PANK1: variants seen among roughly 807,000 people sequenced by gnomAD.
PANK1 encodes the protein pantothenate kinase 1.
Under a neutral mutation model 40.1 loss-of-function variants are expected in PANK1, and 18 were observed. The ratio of observed to expected loss-of-function variants is 0.45; its 90% CI spans 0.31 to 0.67. The LOEUF is 0.67. Ranked by LOEUF, PANK1 falls within the 30% of genes least tolerant of loss-of-function variation. The pLI is 0.06. For missense variants in PANK1, 457 were observed against 599.6 expected, an observed-to-expected ratio of 0.76 and a Z score of 2.48; for synonymous variants, 242 against 237.7, an observed-to-expected ratio of 1.02 and a Z score of -0.17.
chr10:89,637,354 G>A (rs573669977), intron 1 of PANK1, among the ~76,000 whole-genome samples: 1 of 152,294 alleles, frequency 6.6e-6, no homozygotes, highest in African/African-American at 2.4e-5. Flanking sequence ...AGGCAATTCT[G>A]TCATTGTGCA....
At position 89,645,203 on chromosome 10, in the gene PANK1, G is replaced by T; in HGVS notation, c.-312C>A. ...CCGCCCGCCTTCCCCTGATCCCCAG[G>T]CCGCGCGACTTCAAACGCGGCTTCC... On this transcript the variant is annotated 5_prime_UTR_variant, in exon 1 of 7. Transcript: ENST00000307534. 6.3e-7 allele frequency: 1 copy of T among 1,596,580 alleles called. No homozygotes were observed. Among genetic ancestry groups the T allele is most frequent in the Non-Finnish European group, 8.5e-7 (1 of 1,172,742 alleles).
chr10:89,620,080 T>C (rs1009651110), intron 1 of PANK1, among the ~76,000 whole-genome samples: 1 of 152,374 alleles, frequency 6.6e-6, no homozygotes, highest in Middle Eastern at 3.4e-3. Context: ...GCGTCTTTAA[T>C]CTCTTAATCT....
At position 89,583,974 on chromosome 10, in the gene PANK1, C is replaced by T. The variant is rs576075868; in HGVS notation, c.*432G>A. ...GTTTCATTTGAAACCAACAGCAAAT[C>T]ATGAAACGTCATGAAAAATATAAGT... On this transcript the variant is annotated 3_prime_UTR_variant, in exon 7 of 7. Transcript: ENST00000307534. 1 of 154,968 alleles carries T rather than the reference C, an allele frequency of 6.5e-6. No individual in the cohort carries two copies. The highest frequency in any genetic ancestry group is 6.5e-5 in the Admixed American group (1 of 15,396). 9.6% of individuals were successfully genotyped at this position (154,968 alleles called of 1,614,324 possible). A position where few individuals can be genotyped will look rare whatever the true frequency, so the allele number is the denominator to read the frequency against.
rs1221549970 is a variant in PANK1, at chr10:89,637,180, A to T, written c.292+7420T>A. 5.9e-5 allele frequency among the ~76,000 whole-genome samples: 9 copies of T among 151,984 alleles called. 1 individual carries two copies. The highest frequency in any genetic ancestry group is 5.9e-4 in the Admixed American group (9 of 15,262). The stretch of plus-strand genomic sequence containing the variant: ...GCCCACCTGAGCACCGTTGAGCCAC[A>T]GGTGGGGTGAGCAAGAAGCACTGTA... On this transcript the variant is annotated intron_variant, in intron 1 of 6. Transcript: ENST00000307534.
At chr10:89,643,857 T>G (rs2133041487) in intron 1 of PANK1, 1 of 1,509,894 alleles carries the variant, frequency 6.6e-7, no homozygotes, top group East Asian at 2.3e-5. Context: ...CCATTATATA[T>G]ACAAGCTTTA....
At chr10:89,644,086 T>C in intron 1 of PANK1, 1 of 240,062 alleles carries the variant, frequency 4.2e-6, no homozygotes, top group Non-Finnish European at 8.0e-6. Flanking sequence ...TGGGGGGTAG[T>C]TAAACTCCAC....
chr10:89,613,331 G>A (rs1009377053), intron 1 of PANK1, among the ~76,000 whole-genome samples: 49 of 152,176 alleles, frequency 3.2e-4, no homozygotes, highest in Non-Finnish European at 5.6e-4. Flanking sequence ...CAGCCCTAGA[G>A]AACATCAATA....
At chr10:89,641,405 C>T (rs1645082801) in intron 1 of PANK1, among the ~76,000 whole-genome samples, 2 of 152,178 alleles carry the variant, frequency 1.3e-5, no homozygotes, top group African/African-American at 4.8e-5. Context: ...TCTGTACCCA[C>T]CAGTATGCTA....
At chr10:89,622,563 T>C (rs1039487325) in intron 1 of PANK1, among the ~76,000 whole-genome samples, 2 of 152,116 alleles carry the variant, frequency 1.3e-5, no homozygotes, top group African/African-American at 4.8e-5. Flanking sequence ...AGGCCAGACG[T>C]GGTTGCTCAT....
intron 2 of PANK1, among the ~76,000 whole-genome samples, chr10:89,602,878 G>A (rs535100875): frequency 6.6e-6 from 1 of 152,214 alleles, no homozygotes; most frequent in South Asian, 2.1e-4. Context: ...TCAAGAGCCA[G>A]AAATCCAAAT....
intron 2 of PANK1, among the ~76,000 whole-genome samples, chr10:89,609,977 T>C (rs150417245): frequency 1.7e-3 from 260 of 152,284 alleles, no homozygotes; most frequent in African/African-American, 6.0e-3. Flanking sequence ...AATGGACAGA[T>C]AGGGCATCCT....
At chr10:89,608,424 A>G (rs545456540) in intron 2 of PANK1, among the ~76,000 whole-genome samples, 2 of 152,302 alleles carry the variant, frequency 1.3e-5, no homozygotes, top group South Asian at 4.1e-4. Flanking sequence ...GGAGGAACAA[A>G]GTGCAGACCT....
intron 1 of PANK1, among the ~76,000 whole-genome samples, chr10:89,620,413 G>A (rs559445605): frequency 1.3e-5 from 2 of 152,350 alleles, no homozygotes; most frequent in African/African-American, 4.8e-5. Context: ...TGGCCGCTCT[G>A]GGAGTGTCTG....
chr10:89,613,157 C>T (rs1161710262), intron 1 of PANK1, among the ~76,000 whole-genome samples: 3 of 152,208 alleles, frequency 2.0e-5, no homozygotes, highest in African/African-American at 7.2e-5. Context: ...CTGTCAAATG[C>T]TCTGCAATGA....
intron 1 of PANK1, among the ~76,000 whole-genome samples, chr10:89,641,632 T>TGAGGCAGGAGAATGGCGTG (rs200429270): frequency 0.026 from 4,014 of 152,128 alleles, 352 homozygotes; most frequent in East Asian, 0.26. Flanking sequence ...CTTGGGAGGC[T>TGAGGCAGGAGAATGGCGTG]GAGGCAGGAG....
intron 1 of PANK1, among the ~76,000 whole-genome samples, chr10:89,633,696 C>G (rs1195918236): frequency 6.6e-6 from 1 of 152,158 alleles, no homozygotes; most frequent in East Asian, 1.9e-4. Flanking sequence ...AGGTTACACT[C>G]TAGCTTAAAG....
At position 89,593,281 on chromosome 10, in the gene PANK1, G is replaced by A. The variant is rs772699546; in HGVS notation, c.1116C>T (p.Ile372=). The A allele has an allele frequency of 2.5e-6, 4 of 1,613,754 alleles. No individual in the cohort carries two copies. Among genetic ancestry groups the A allele is most frequent in the Non-Finnish European group, 3.4e-6 (4 of 1,179,716 alleles). Reference sequence around the variant, plus strand: ...TGGCCCGGGCGAGGTCTTCCTTGCTGATGGAATCTCGCTTTTCTTTACTCA... The same window carrying A: ...TGGCCCGGGCGAGGTCTTCCTTGCTAATGGAATCTCGCTTTTCTTTACTCA... ...NMMSKEKRDS[I]SKEDLARATL... is the part of the protein sequence containing the mutation. The change falls in exon 5 of 7, where the codon ATC becomes ATT. Residue 372 remains isoleucine (I), a synonymous_variant. Transcript: ENST00000307534.
chr10:89,597,782 A>G (rs1237675111), intron 3 of PANK1, among the ~76,000 whole-genome samples: 1 of 152,248 alleles, frequency 6.6e-6, no homozygotes, highest in African/African-American at 2.4e-5. Context: ...TTTAAAAATT[A>G]TGTTTATCAA....
intron 1 of PANK1, among the ~76,000 whole-genome samples, chr10:89,626,863 G>A (rs1845675319): frequency 6.6e-6 from 1 of 152,136 alleles, no homozygotes; most frequent in East Asian, 1.9e-4. Flanking sequence ...AAGAGGTTTA[G>A]CTTTCTGTCT....
Sources: gnomAD v4.1 joint callset for allele counts (sites outside exome capture counted in the v4.1 genomes callset) on GRCh38, gnomAD v4.1.1 for gene constraint, MANE v1.5 for transcripts, NCBI Gene and HGNC (gene_info 2026-07-23, HGNC 2026-07-21) for gene names.